Variants in ANKRD55 observed in about 807,000 individuals in gnomAD.
The protein encoded by ANKRD55 is ankyrin repeat domain-containing protein 55.
ANKRD55 carries 41 observed loss-of-function variants against 60.6 expected under a neutral mutation model. That is an observed-to-expected ratio of 0.68 (90% confidence interval 0.53 to 0.88). The LOEUF is 0.88. Ranked by LOEUF, ANKRD55 falls within the 40% of genes least tolerant of loss-of-function variation. ANKRD55 has a pLI of 0.00. For missense variants in ANKRD55, 732 were observed against 767.6 expected, an observed-to-expected ratio of 0.95 and a Z score of 0.55; for synonymous variants, 264 against 290.3, an observed-to-expected ratio of 0.91 and a Z score of 0.92.
chr5:56,191,398 G>A (rs928443480), intron 2 of ANKRD55, among the ~76,000 whole-genome samples: 2 of 152,120 alleles, frequency 1.3e-5, no homozygotes, highest in Admixed American at 6.5e-5. Flanking sequence ...ATGCTTTGTA[G>A]TTTTCAGTGT....
At chr5:56,172,336 G>C (rs143035226) in intron 4 of ANKRD55, among the ~76,000 whole-genome samples, 226 of 152,202 alleles carry the variant, frequency 1.5e-3, no homozygotes, top group African/African-American at 5.2e-3. Flanking sequence ...TTCCAGTCTT[G>C]AGTCATAGTT....
chr5:56,118,981 A>G (rs1423509395), intron 8 of ANKRD55, among the ~76,000 whole-genome samples: 1 of 152,234 alleles, frequency 6.6e-6, no homozygotes, highest in Non-Finnish European at 1.5e-5. Context: ...TGGGAATGTA[A>G]AGTGGTAAGA....
intron 2 of ANKRD55, among the ~76,000 whole-genome samples, chr5:56,207,978 T>C (rs142669351): frequency 1.3e-5 from 2 of 152,346 alleles, no homozygotes; most frequent in East Asian, 1.9e-4. Context: ...AACAAACACG[T>C]TGTACAGTTG....
At chr5:56,178,324 G>A (rs536053153) in intron 3 of ANKRD55, among the ~76,000 whole-genome samples, 79 of 151,610 alleles carry the variant, frequency 5.2e-4, no homozygotes, top group African/African-American at 1.5e-3. Context: ...CAACGTACGG[G>A]GATTACCGGC....
chr5:56,162,847 A>G (rs1164463677), intron 5 of ANKRD55, among the ~76,000 whole-genome samples: 1 of 151,716 alleles, frequency 6.6e-6, no homozygotes, highest in Non-Finnish European at 1.5e-5. Flanking sequence ...CTAATTTTTT[A>G]GTGTTTTTAG....
At chr5:56,176,315 T>G in intron 3 of ANKRD55, 33 bp from the exon 4 acceptor site, 1 of 1,613,848 alleles carries the variant, frequency 6.2e-7, no homozygotes, top group East Asian at 2.2e-5. Flanking sequence ...CCTTTAAACA[T>G]GTGTGACCCA....
chr5:56,143,660 T>C (rs1757824679), intron 7 of ANKRD55, 141 bp downstream of exon 7: 1 of 1,218,182 alleles, frequency 8.2e-7, no homozygotes, highest in Admixed American at 2.1e-5. Context: ...CTTTGCATCT[T>C]GGCAGGGTTT....
At chr5:56,191,278 C>A (rs997269120) in intron 2 of ANKRD55, among the ~76,000 whole-genome samples, 1 of 152,154 alleles carries the variant, frequency 6.6e-6, no homozygotes, top group Non-Finnish European at 1.5e-5. Flanking sequence ...TATATTGAAT[C>A]TGTAGATTGC....
chr5:56,170,906 A>G, intron 4 of ANKRD55, 103 bp from the exon 5 acceptor site: 1 of 1,046,418 alleles, frequency 9.6e-7, no homozygotes, highest in Non-Finnish European at 1.4e-6. Context: ...TTTGGTTAAA[A>G]ACATATTTTA....
At chr5:56,213,948 A>T (rs1377831311) in intron 2 of ANKRD55, among the ~76,000 whole-genome samples, 1 of 152,254 alleles carries the variant, frequency 6.6e-6, no homozygotes, top group Non-Finnish European at 1.5e-5. Context: ...TATAAAGGAA[A>T]GATGTTTGAT....
intron 4 of ANKRD55, among the ~76,000 whole-genome samples, chr5:56,172,437 A>G (rs1474901668): frequency 6.6e-6 from 1 of 152,232 alleles, no homozygotes; most frequent in Non-Finnish European, 1.5e-5. Context: ...CCCAAAAGAA[A>G]GGCATGCTGG....
chr5:56,129,266 A>C (rs1369313089), intron 7 of ANKRD55, among the ~76,000 whole-genome samples: 1 of 152,208 alleles, frequency 6.6e-6, no homozygotes, highest in Non-Finnish European at 1.5e-5. Context: ...GGAAGAATCG[A>C]GAGTAGGTTT....
At chr5:56,105,162 CG>C (rs1561247618) in intron 10 of ANKRD55, among the ~76,000 whole-genome samples, 1 of 151,350 alleles carries the variant, frequency 6.6e-6, no homozygotes, top group Non-Finnish European at 1.5e-5. Flanking sequence ...TCGTGGCTCA[CG>C]GCAACCTCTG....
chr5:56,129,263 T>A (rs1458634745), intron 7 of ANKRD55, among the ~76,000 whole-genome samples: 4 of 152,108 alleles, frequency 2.6e-5, no homozygotes, highest in African/African-American at 9.7e-5. Flanking sequence ...TTAGGAAGAA[T>A]CGAGAGTAGG....
At chr5:56,170,541 T>C (rs1434958994) in intron 5 of ANKRD55, among the ~76,000 whole-genome samples, 153 bp downstream of exon 5, 1 of 151,900 alleles carries the variant, frequency 6.6e-6, no homozygotes, top group African/African-American at 2.4e-5. Context: ...TTCTAGAATA[T>C]TTTGTTGTGG....
chr5:56,123,243 G>A (rs985704642), intron 8 of ANKRD55, among the ~76,000 whole-genome samples: 1 of 152,076 alleles, frequency 6.6e-6, no homozygotes, highest in Non-Finnish European at 1.5e-5. Context: ...AGGCCTGGAG[G>A]CAGCCTGGCA....
intron 2 of ANKRD55, among the ~76,000 whole-genome samples, chr5:56,189,784 A>G (rs535515183): frequency 1.3e-4 from 20 of 152,326 alleles, no homozygotes; most frequent in African/African-American, 4.6e-4. Flanking sequence ...TGCTGTGAAC[A>G]TGGGTCTACA....
intron 7 of ANKRD55, among the ~76,000 whole-genome samples, chr5:56,143,257 AT>A (rs938786458): frequency 6.6e-6 from 1 of 152,216 alleles, no homozygotes; most frequent in African/African-American, 2.4e-5. Context: ...AGTGATTATT[AT>A]TCTTTCACCT....
chr5:56,233,075 G>T, intron 1 of ANKRD55, 129 bp from the exon 2 acceptor site: 1 of 650,418 alleles, frequency 1.5e-6, no homozygotes, highest in Non-Finnish European at 2.8e-6. Context: ...AAGGCAAGGT[G>T]ATGAAAATAG....
Sources: gnomAD v4.1 joint callset for allele counts (sites outside exome capture counted in the v4.1 genomes callset) on GRCh38, gnomAD v4.1.1 for gene constraint, MANE v1.5 for transcripts, NCBI Gene and HGNC (gene_info 2026-07-23, HGNC 2026-07-21) for gene names.